The following ADH1A variants were observed in gnomAD, a reference collection of about 807,000 sequenced individuals.
ADH1A encodes the protein alcohol dehydrogenase 1A.
A neutral mutation model predicts 35.2 loss-of-function variants in ADH1A; 29 were observed. The ratio of observed to expected loss-of-function variants is 0.82; its 90% CI spans 0.61 to 1.12. The LOEUF (loss-of-function observed/expected upper bound fraction) is 1.12, where lower values mean the gene tolerates loss of function less well. ADH1A is among the 50% of genes most tolerant of loss of function. The pLI is 0.00. For missense variants in ADH1A, 469 were observed against 464.7 expected, an observed-to-expected ratio of 1.01 and a Z score of -0.09; for synonymous variants, 147 against 164.8, an observed-to-expected ratio of 0.89 and a Z score of 0.83.
intron 2 of ADH1A, 27 bp downstream of exon 2, chr4:99,287,537 A>T: frequency 6.3e-7 from 1 of 1,594,490 alleles, no homozygotes; most frequent in Non-Finnish European, 8.5e-7. Context: ...TTTAAAACTT[A>T]AATACAAATG....
intron 2 of ADH1A, 100 bp from the exon 3 acceptor site, chr4:99,287,088 G>T (rs979605587): frequency 6.9e-7 from 1 of 1,451,750 alleles, no homozygotes; most frequent in Non-Finnish European, 9.3e-7. Context: ...GTTTTCAAGG[G>T]TTTTGCTAAT....
chr4:99,279,947 T>C (rs1017916531), intron 7 of ADH1A, among the ~76,000 whole-genome samples, 197 bp downstream of exon 7: 7 of 152,212 alleles, frequency 4.6e-5, no homozygotes, highest in African/African-American at 1.7e-4. Context: ...CAGACTTTGT[T>C]AATGGTGGCA....
chr4:99,281,336 A>T (rs1236500763), intron 6 of ADH1A: 1 of 152,196 alleles, frequency 6.6e-6, no homozygotes, highest in Non-Finnish European at 1.5e-5. Context: ...ATATAGCTAG[A>T]GATGTGTTTC....
chr4:99,282,940 G>C (rs1733043915), intron 5 of ADH1A, among the ~76,000 whole-genome samples: 1 of 152,192 alleles, frequency 6.6e-6, no homozygotes, highest in Non-Finnish European at 1.5e-5. Context: ...TGATCTTTGA[G>C]ATCCAGATGG....
intron 8 of ADH1A, 120 bp downstream of exon 8, chr4:99,279,306 C>G: frequency 7.8e-7 from 1 of 1,289,572 alleles, no homozygotes; most frequent in Non-Finnish European, 1.0e-6. Flanking sequence ...AAAGACTGAA[C>G]TGGTAATGGA....
intron 8 of ADH1A, 83 bp from the exon 9 acceptor site, chr4:99,276,731 G>A: frequency 7.6e-7 from 1 of 1,322,150 alleles, no homozygotes; most frequent in Non-Finnish European, 1.1e-6. Flanking sequence ...AAATGACTTA[G>A]TGAAAATCTG....
At chr4:99,288,525 T>C (rs530000638) in intron 1 of ADH1A, 2 of 152,238 alleles carry the variant, frequency 1.3e-5, no homozygotes, top group Non-Finnish European at 2.9e-5. Context: ...TCTGTCTTCA[T>C]TGTGGTTAAG....
At chr4:99,284,868 A>C in intron 3 of ADH1A, 65 bp from the exon 4 acceptor site, 1 of 1,376,912 alleles carries the variant, frequency 7.3e-7, no homozygotes, top group Non-Finnish European at 1.0e-6. Flanking sequence ...CAAAAACATA[A>C]AGCTCACATG....
rs1265693068 is a variant in ADH1A, at chr4:99,287,124, G to C, written c.121-136C>G. The C allele has an allele frequency of 8.9e-6, 10 of 1,126,016 alleles. No individual in the cohort carries two copies. In the East Asian group the frequency reaches 2.5e-4, roughly 28 times the overall value. 69.8% of individuals were successfully genotyped at this position (1,126,016 alleles called of 1,614,324 possible). Reference sequence around the variant, plus strand: ...AATCCCTACTATCCCAAGTATGAAAGATTCAGTTTATCCTCAAGGTTGACC... The same window carrying C: ...AATCCCTACTATCCCAAGTATGAAACATTCAGTTTATCCTCAAGGTTGACC... On this transcript the variant is annotated intron_variant, in intron 2 of 8. Transcript: ENST00000209668.
chr4:99,288,412 A>G (rs547659257), intron 1 of ADH1A, among the ~76,000 whole-genome samples: 1 of 152,186 alleles, frequency 6.6e-6, no homozygotes, highest in African/African-American at 2.4e-5. Context: ...AAAATTGGAG[A>G]CACTGTGTGT....
At chr4:99,277,644 T>G (rs1219545133) in intron 8 of ADH1A, among the ~76,000 whole-genome samples, 1 of 152,084 alleles carries the variant, frequency 6.6e-6, no homozygotes, top group Non-Finnish European at 1.5e-5. Flanking sequence ...TTACTGCTGT[T>G]GTTGAAAATG....
chr4:99,286,627 C>A (rs1006257514), intron 3 of ADH1A: 2 of 619,524 alleles, frequency 3.2e-6, no homozygotes, highest in Non-Finnish European at 5.1e-6. Flanking sequence ...TGGCATCTAG[C>A]AGATGCTCAG....
rs28364313 is a variant in ADH1A at position 99,284,289 on chromosome 4, C to T, written c.567+110G>A. The T allele has an allele frequency of 4.9e-3, 5,707 of 1,169,694 alleles. 189 individuals are homozygous for T. In the African/African-American group the frequency reaches 0.076, roughly 16 times the overall value. The allele number at this position is 1,169,694 out of a possible 1,614,324, so 72.5% of individuals were successfully genotyped here. On this transcript the variant is annotated intron_variant, in intron 5 of 8. Transcript: ENST00000209668. ...TCTGGATTGTGTTTCTATTCTTAGTCGACATTCAAAATCTACAAAAATAAT... is the reference window on the plus strand; with the variant it reads ...TCTGGATTGTGTTTCTATTCTTAGTTGACATTCAAAATCTACAAAAATAAT...
chr4:99,278,485 C>T (rs1374716396), intron 8 of ADH1A: 1 of 152,076 alleles, frequency 6.6e-6, no homozygotes, highest in Non-Finnish European at 1.5e-5. Context: ...CGAGCATTGC[C>T]TGGGAATCAC....
At chr4:99,282,656 C>T (rs750623864) in intron 5 of ADH1A, 50 bp from the exon 6 acceptor site, 4 of 1,588,248 alleles carry the variant, frequency 2.5e-6, no homozygotes, top group Non-Finnish European at 3.4e-6. Context: ...TTATAAAGTG[C>T]CATGCTTAGT....
At chr4:99,276,859 A>G (rs1241665600) in intron 8 of ADH1A, among the ~76,000 whole-genome samples, 2 of 152,140 alleles carry the variant, frequency 1.3e-5, no homozygotes, top group Non-Finnish European at 2.9e-5. Flanking sequence ...CACTCACAAC[A>G]TTCTGAGTAT....
At chr4:99,284,826 C>A (rs750163662) in intron 3 of ADH1A, 23 bp from the exon 4 acceptor site, 4 of 1,599,040 alleles carry the variant, frequency 2.5e-6, no homozygotes, top group East Asian at 4.5e-5. Context: ...AAAACAAATT[C>A]TTTTACAATT....
chr4:99,284,951 G>T, intron 3 of ADH1A, 148 bp from the exon 4 acceptor site: 1 of 772,512 alleles, frequency 1.3e-6, no homozygotes, highest in Non-Finnish European at 2.1e-6. Flanking sequence ...TATGTCATTT[G>T]TCATTGCCTG....
At chr4:99,281,096 C>G (rs1732990901) in intron 6 of ADH1A, 1 of 152,114 alleles carries the variant, frequency 6.6e-6, no homozygotes, top group Non-Finnish European at 1.5e-5. Flanking sequence ...GAGGAAGATA[C>G]AGGAAAAGAA....
Sources: allele counts gnomAD v4.1 joint callset (sites outside exome capture counted in the v4.1 genomes callset), GRCh38; gene constraint gnomAD v4.1.1; transcripts MANE v1.5; gene names NCBI Gene and HGNC (gene_info 2026-07-23, HGNC 2026-07-21).